The following MLPH variants were observed in gnomAD, a reference collection of about 807,000 sequenced individuals.
MLPH encodes melanophilin, also known as exophilin-3.
MLPH carries 51 observed loss-of-function variants against 72.1 expected under a neutral mutation model. That is an observed-to-expected ratio of 0.71 (90% CI 0.56 to 0.89). MLPH has a LOEUF of 0.89. Ranked by LOEUF, MLPH falls within the 40% of genes least tolerant of loss-of-function variation. The pLI is 0.00. For missense variants in MLPH, 743 were observed against 759.9 expected, an observed-to-expected ratio of 0.98 and a Z score of 0.26; for synonymous variants, 301 against 310.1, an observed-to-expected ratio of 0.97 and a Z score of 0.31.
chr2:237,539,101 G>A (rs929092372), intron 9 of MLPH, among the ~76,000 whole-genome samples: 4 of 152,080 alleles, frequency 2.6e-5, no homozygotes, highest in Non-Finnish European at 4.4e-5. Context: ...CAGACAGAAC[G>A]GAGCCTCCCA....
At chr2:237,489,028 C>A (rs1038316798) in intron 1 of MLPH, among the ~76,000 whole-genome samples, 12 of 152,224 alleles carry the variant, frequency 7.9e-5, no homozygotes, top group Middle Eastern at 3.4e-3. Flanking sequence ...CTGGAGAGGG[C>A]CAGAGAGGTC....
intron 4 of MLPH, among the ~76,000 whole-genome samples, chr2:237,511,894 G>A (rs1331955929): frequency 1.3e-5 from 2 of 152,284 alleles, no homozygotes; most frequent in Non-Finnish European, 2.9e-5. Flanking sequence ...GGGGTCTTTT[G>A]CATTTGAGTT....
chr2:237,495,266 C>T (rs1362606586), intron 2 of MLPH, among the ~76,000 whole-genome samples: 2 of 152,222 alleles, frequency 1.3e-5, no homozygotes, highest in Non-Finnish European at 2.9e-5. Flanking sequence ...ACCCTCTTCC[C>T]ATCTCAGGAT....
At chr2:237,531,328 C>A (rs796181221) in intron 8 of MLPH, among the ~76,000 whole-genome samples, 3 of 110,300 alleles carry the variant, frequency 2.7e-5, no homozygotes, top group African/African-American at 6.9e-5. Flanking sequence ...GGATAGAGAC[C>A]TCCCCAGTGT....
chr2:237,518,628 G>T lies in MLPH; in HGVS notation c.535G>T (p.Ala179Ser), dbSNP rs1056665199. ...GEPGSEAQAQ[A>S]QPFGSKKKRL... Reference sequence around the variant, plus strand: ...ACCTGGCTCAGAGGCCCAGGCCCAGGCCCAGCCCTTTGGCAGCAAAGTAAG... The same window carrying T: ...ACCTGGCTCAGAGGCCCAGGCCCAGTCCCAGCCCTTTGGCAGCAAAGTAAG... The change falls in exon 5 of 16, where the codon GCC becomes TCC. Residue 179 changes from alanine to serine, a missense_variant. Coordinates refer to ENST00000264605, the MANE Select transcript of MLPH (RefSeq NM_024101.7). 1.2e-6 allele frequency: 2 copies of T among 1,613,068 alleles called. No individual in the cohort carries two copies. Among genetic ancestry groups the T allele is most frequent in the Admixed American group, 3.3e-5 (2 of 59,928 alleles).
chr2:237,549,165 G>A (rs909693915), intron 13 of MLPH, 56 bp from the exon 14 acceptor site: 1 of 1,542,520 alleles, frequency 6.5e-7, no homozygotes, highest in African/African-American at 1.4e-5. Flanking sequence ...AAAATTAGTT[G>A]ACAATTCCTA....
At position 237,505,147 on chromosome 2, in the gene MLPH, G is replaced by T. The variant is rs960413863; in HGVS notation, c.111-5427G>T. Among the ~76,000 whole-genome samples the T allele has an allele frequency of 6.6e-6, 1 of 152,142 alleles. No individual in the cohort carries two copies. Among genetic ancestry groups the T allele is most frequent in the African/African-American group, 2.4e-5 (1 of 41,426 alleles). ...CCGGTGGCCAGGTTGATGGGGTCTG[G>T]ACTCCACACACTGTCCCCACCTCCT... is the stretch of plus-strand genomic sequence containing the variant. On this transcript the variant is annotated intron_variant, in intron 2 of 15. Coordinates refer to ENST00000264605, the MANE Select transcript of MLPH (RefSeq NM_024101.7). This position sits in a 1 kb window ranked among gnomAD's most constrained non-coding sequence, Gnocchi z 4.5.
intron 4 of MLPH, among the ~76,000 whole-genome samples, chr2:237,513,185 T>C (rs934351277): frequency 3.3e-5 from 5 of 152,166 alleles, no homozygotes; most frequent in African/African-American, 1.2e-4. Context: ...ATGCAGACCT[T>C]GTCCAGCTAG....
chr2:237,506,946 T>C (rs989215786), intron 2 of MLPH, among the ~76,000 whole-genome samples: 2 of 151,912 alleles, frequency 1.3e-5, no homozygotes, highest in African/African-American at 4.8e-5. Context: ...AGATACATAA[T>C]TGAAAAAAGG....
In MLPH at chr2:237,527,380, C is replaced by G. The variant is rs755444845; in HGVS notation, c.884C>G (p.Ser295Trp). ...CAAACCCACTCTCGCTCTGAAGGGTCGAATGTCATCAGGAATGAGCAGCTG... is the reference window on the plus strand; with the variant it reads ...CAAACCCACTCTCGCTCTGAAGGGTGGAATGTCATCAGGAATGAGCAGCTG... Reference protein sequence around the residue: ...MALGTAAALGSNVIRNEQLPL... With the variant: ...MALGTAAALGWNVIRNEQLPL... The change falls in exon 8 of 16, where the codon TCG becomes TGG. Residue 295 changes from serine (S) to tryptophan (W), a missense_variant. Coordinates refer to ENST00000264605, the MANE Select transcript of MLPH (RefSeq NM_024101.7). 1.9e-6 allele frequency: 3 copies of G among 1,614,032 alleles called. No individual in the cohort carries two copies. The highest frequency in any genetic ancestry group is 2.7e-5 in the African/African-American group (2 of 74,902).
chr2:237,494,456 G>T (rs539954940), intron 2 of MLPH, among the ~76,000 whole-genome samples: 5 of 152,178 alleles, frequency 3.3e-5, no homozygotes, highest in Non-Finnish European at 7.3e-5. Context: ...GCTTCACAGG[G>T]CCTCACCCTT....
intron 6 of MLPH, among the ~76,000 whole-genome samples, chr2:237,523,832 T>G (rs1231076223): frequency 1.3e-5 from 2 of 152,244 alleles, no homozygotes; most frequent in South Asian, 2.1e-4. Flanking sequence ...AGATTACTGA[T>G]AGCGGGTAAA....
chr2:237,546,182 C>A (rs1247653006), intron 12 of MLPH, among the ~76,000 whole-genome samples: 1 of 152,176 alleles, frequency 6.6e-6, no homozygotes, highest in African/African-American at 2.4e-5. Flanking sequence ...TTCCACTGAA[C>A]ACACAATTTA....
intron 1 of MLPH, among the ~76,000 whole-genome samples, chr2:237,491,597 G>T (rs976877794): frequency 2.0e-5 from 3 of 152,324 alleles, no homozygotes; most frequent in South Asian, 4.1e-4. Context: ...ATAAAGAAAC[G>T]TTAAAGGGAT....
chr2:237,498,594 G>A (rs879687639), intron 2 of MLPH, among the ~76,000 whole-genome samples: 20 of 152,178 alleles, frequency 1.3e-4, no homozygotes, highest in Non-Finnish European at 2.4e-4. Flanking sequence ...GTGGACATTC[G>A]GTGACGCACA....
At chr2:237,515,500 T>G (rs75437387) in intron 4 of MLPH, among the ~76,000 whole-genome samples, 3,051 of 151,936 alleles carry the variant, frequency 0.02, 59 homozygotes, top group South Asian at 0.08. Flanking sequence ...GAGGATAGGA[T>G]CCCCACGGGG....
intron 2 of MLPH, among the ~76,000 whole-genome samples, chr2:237,494,372 C>T (rs1443414152): frequency 6.6e-6 from 1 of 150,922 alleles, no homozygotes; most frequent in Non-Finnish European, 1.5e-5. Context: ...ATGAGGGGGC[C>T]AGGAAGAGAG....
rs3751105 is a variant in MLPH at position 237,519,816 on chromosome 2, G to A, written c.556-94G>A. ...AGAGGAGCCTGCCCCGCCCCTCTGG[G>A]GGCTGAGTGTGGGGTTGGGGAGGTG... On this transcript the variant is annotated intron_variant, in intron 5 of 15. Transcript: ENST00000264605. 0.16 allele frequency: 259,684 copies of A among 1,583,390 alleles called. 23,097 individuals carry two copies. The highest frequency in any genetic ancestry group is 0.3 in the African/African-American group (22,250 of 74,274).
At position 237,515,504 on chromosome 2, in the gene MLPH, C is replaced by T. The variant is rs951910499; in HGVS notation, c.446-3035C>T. Among the ~76,000 whole-genome samples the T allele has an allele frequency of 5.3e-5, 8 of 152,306 alleles. No homozygotes were observed. In the South Asian group the frequency reaches 1.2e-3, roughly 24 times the overall value. ...GCCCGAGAGATGAGGATAGGATCCC[C>T]ACGGGGATCACAGGTGGGCCAGTCA... On this transcript the variant is annotated intron_variant, in intron 4 of 15. Coordinates refer to ENST00000264605, the MANE Select transcript of MLPH (RefSeq NM_024101.7).
Sources: gnomAD v4.1 joint callset for allele counts (sites outside exome capture counted in the v4.1 genomes callset) on GRCh38, gnomAD v4.1.1 for gene constraint, Gnocchi (gnomAD v3.1) non-coding constraint, MANE v1.5 for transcripts, NCBI Gene and HGNC (gene_info 2026-07-23, HGNC 2026-07-21) for gene names.